Variants in DRGX observed in about 807,000 individuals in gnomAD.
DRGX encodes the protein dorsal root ganglia homeobox, also known as dorsal root ganglia homeobox protein.
A neutral mutation model predicts 28.6 loss-of-function variants in DRGX; 21 were observed. That is an observed-to-expected ratio of 0.73 (90% CI 0.52 to 1.06). The LOEUF (loss-of-function observed/expected upper bound fraction) is 1.06. Among genes scored for constraint, DRGX ranks in the 50% least tolerant of loss-of-function variants. The pLI, the probability that DRGX is intolerant of heterozygous loss-of-function variation, is 0.00. For synonymous variants in DRGX, 136 were observed against 139.1 expected (o/e 0.98, Z 0.16); for missense variants, 354 against 343.9 (o/e 1.03, Z -0.23).
Position 49,365,664 on chromosome 10 carries a change from A to C in DRGX, c.*452T>G. The C allele has an allele frequency of 6.5e-6, 1 of 154,792 alleles. No homozygotes were observed. Among genetic ancestry groups the C allele is most frequent in the Non-Finnish European group, 1.4e-5 (1 of 69,896 alleles). 9.6% of individuals were successfully genotyped at this position (154,792 alleles called of 1,614,324 possible). A position where few individuals can be genotyped will look rare whatever the true frequency, so the allele number is the denominator to read the frequency against. On this transcript the variant is annotated 3_prime_UTR_variant, in exon 7 of 7. Transcript: ENST00000374139. ...AGCAAGAGTCGCTTGGGGTTCCACC[A>C]GTTCCCCAGTTCTTAAACACTGTAA...
At chr10:49,377,945 G>A (rs1849733647) in intron 6 of DRGX, among the ~76,000 whole-genome samples, 1 of 152,180 alleles carries the variant, frequency 6.6e-6, no homozygotes. Context: ...CATGATCATA[G>A]CTTCAAACTC....
chr10:49,395,536 G>A lies in DRGX; in HGVS notation c.-81-15C>T, dbSNP rs1197748556. 2 of 1,403,804 alleles carry A rather than the reference G, an allele frequency of 1.4e-6. No individual in the cohort carries two copies. The highest frequency in any genetic ancestry group is 1.4e-5 in the African/African-American group (1 of 70,292). 87.0% of individuals were successfully genotyped at this position (1,403,804 alleles called of 1,614,324 possible). On this transcript the variant is annotated splice_polypyrimidine_tract_variant and intron_variant, in intron 1 of 6. Coordinates refer to ENST00000374139, the MANE Select transcript of DRGX (RefSeq NM_001276451.2). ...CTCCTGCCTGGCTGCAAAGCAAACA[G>A]CGATAGAGCTTCAAGTCTCCCTCTG...
intron 4 of DRGX, among the ~76,000 whole-genome samples, chr10:49,388,164 G>C (rs1446338579): frequency 1.3e-5 from 2 of 152,218 alleles, no homozygotes; most frequent in African/African-American, 4.8e-5. Flanking sequence ...ATTGTATTCT[G>C]TAGGATGGCC....
chr10:49,393,387 A>T (rs1212287881), intron 2 of DRGX, among the ~76,000 whole-genome samples: 1 of 152,262 alleles, frequency 6.6e-6, no homozygotes, highest in African/African-American at 2.4e-5. Context: ...TCACAAAAAA[A>T]ATAGCAGATA....
chr10:49,384,305 T>C (rs535202830), intron 6 of DRGX, among the ~76,000 whole-genome samples: 9 of 152,306 alleles, frequency 5.9e-5, no homozygotes, highest in Admixed American at 2.0e-4. Context: ...GGAAACACGG[T>C]ATGTCGCCGA....
chr10:49,372,926 G>A (rs1849675837), intron 6 of DRGX, among the ~76,000 whole-genome samples: 1 of 152,132 alleles, frequency 6.6e-6, no homozygotes, highest in African/African-American at 2.4e-5. Flanking sequence ...CTAATTACTT[G>A]ATTTCTAGAC....
rs1318501802 is a variant in DRGX, at chr10:49,366,028, C to G, written c.*88G>C. The G allele has an allele frequency of 2.1e-6, 3 of 1,446,850 alleles. No individual in the cohort carries two copies. Among genetic ancestry groups the G allele is most frequent in the African/African-American group, 2.8e-5 (2 of 70,560 alleles). 89.6% of individuals were successfully genotyped at this position (1,446,850 alleles called of 1,614,324 possible). On this transcript the variant is annotated 3_prime_UTR_variant, in exon 7 of 7. Transcript: ENST00000374139. ...AGAGGCCCTGGGGCCGCAGGCTTCT[C>G]CTTGCTATTTGGAGAGTTTTCTGTA...
At chr10:49,368,627 C>T (rs80026704) in intron 6 of DRGX, among the ~76,000 whole-genome samples, 4,863 of 152,326 alleles carry the variant, frequency 0.032, 208 homozygotes, top group African/African-American at 0.094. Context: ...CCCCATGGGG[C>T]CTTATCTTCC....
At position 49,391,218 on chromosome 10, in the gene DRGX, G is replaced by C; in HGVS notation, c.78C>G (p.Asp26Glu). 6.2e-7 allele frequency: 1 copy of C among 1,612,500 alleles called. No individual in the cohort carries two copies. Among genetic ancestry groups the C allele is most frequent in the South Asian group, 1.1e-5 (1 of 90,570 alleles). ...GGCGCTGTTTTCTACGCAGAAACCC[G>C]TCATCAAAATCCCCCGAAGAGTGAT... ...FGNHSSGDFD[D>E]GFLRRKQRRN... is the part of the protein sequence containing the mutation. Residue 26 changes from aspartate to glutamate, a missense_variant, in exon 3 of 7, where the codon GAC becomes GAG. Transcript: ENST00000374139.
chr10:49,370,019 C>A (rs1273235602), intron 6 of DRGX, among the ~76,000 whole-genome samples: 1 of 152,062 alleles, frequency 6.6e-6, no homozygotes, highest in African/African-American at 2.4e-5. Flanking sequence ...GGTTTTCACA[C>A]GTCCCTCCAG....
At chr10:49,376,801 C>T (rs939039421) in intron 6 of DRGX, among the ~76,000 whole-genome samples, 3 of 152,152 alleles carry the variant, frequency 2.0e-5, no homozygotes, top group Admixed American at 2.0e-4. Flanking sequence ...CACTGCACAG[C>T]TCAAGCATCT....
At chr10:49,391,999 C>T in intron 2 of DRGX, 1 of 388,594 alleles carries the variant, frequency 2.6e-6, no homozygotes. Context: ...GCACCTACCA[C>T]TTCTACTTCC....
At chr10:49,389,800 G>A (rs900344815) in intron 4 of DRGX, among the ~76,000 whole-genome samples, 19 of 151,536 alleles carry the variant, frequency 1.3e-4, no homozygotes, top group African/African-American at 4.4e-4. Flanking sequence ...GGTCAGAGCT[G>A]CTTTTAGAAT....
At chr10:49,385,953 G>A (rs1400613998) in intron 6 of DRGX, among the ~76,000 whole-genome samples, 4 of 152,100 alleles carry the variant, frequency 2.6e-5, no homozygotes, top group Non-Finnish European at 5.9e-5. Flanking sequence ...CTCTCTCTGA[G>A]TCTGACAAAA....
chr10:49,378,020 T>C (rs1387289909), intron 6 of DRGX, among the ~76,000 whole-genome samples: 20 of 152,154 alleles, frequency 1.3e-4, no homozygotes, highest in Non-Finnish European at 4.4e-5. Context: ...TCACATCTAA[T>C]TTGGGTCTAT....
chr10:49,366,688 G>C (rs1243863757), intron 6 of DRGX, among the ~76,000 whole-genome samples: 1 of 152,182 alleles, frequency 6.6e-6, no homozygotes, highest in African/African-American at 2.4e-5. Context: ...CTGTAAAATG[G>C]GGTAATACCT....
intron 6 of DRGX, among the ~76,000 whole-genome samples, chr10:49,371,272 T>A (rs1383431220): frequency 1.3e-5 from 2 of 152,218 alleles, no homozygotes; most frequent in Non-Finnish European, 2.9e-5. Context: ...AGCTTCATCC[T>A]CTGGGGTTCC....
In DRGX at chr10:49,365,764, G is replaced by GC; in HGVS notation, c.*351dup. 1 of 201,404 alleles carries GC rather than the reference G, an allele frequency of 5.0e-6. No homozygotes were observed. Among genetic ancestry groups the GC allele is most frequent in the Admixed American group, 6.0e-5 (1 of 16,684 alleles). 12.5% of individuals were successfully genotyped at this position (201,404 alleles called of 1,614,324 possible). ...CCTGGGGTTGACAAGACCTTCAAAGGCAGCCCAGGGAGGAAATAGGAAGGG... is the reference window on the plus strand; with the variant it reads ...CCTGGGGTTGACAAGACCTTCAAAGGCCAGCCCAGGGAGGAAATAGGAAGGG... On this transcript the variant is annotated 3_prime_UTR_variant, in exon 7 of 7. Coordinates refer to ENST00000374139, the MANE Select transcript of DRGX (RefSeq NM_001276451.2).
chr10:49,392,389 T>A (rs947332520), intron 2 of DRGX, among the ~76,000 whole-genome samples: 1 of 152,242 alleles, frequency 6.6e-6, no homozygotes, highest in African/African-American at 2.4e-5. Flanking sequence ...ACACCCTGAC[T>A]CTCTGCTAAA....
Sources: allele counts gnomAD v4.1 joint callset (sites outside exome capture counted in the v4.1 genomes callset), GRCh38; gene constraint gnomAD v4.1.1; transcripts MANE v1.5; gene names NCBI Gene and HGNC (gene_info 2026-07-23, HGNC 2026-07-21).